LRRC49: variants seen among roughly 807,000 people sequenced by gnomAD.
LRRC49 encodes the protein leucine-rich repeat-containing protein 49.
A neutral mutation model predicts 83.3 loss-of-function variants in LRRC49; 50 were observed. That is an observed-to-expected ratio of 0.60 (90% CI 0.48 to 0.76). The LOEUF (loss-of-function observed/expected upper bound fraction) is 0.76. Ranked by LOEUF, LRRC49 falls within the 30% of genes least tolerant of loss-of-function variation. LRRC49 has a pLI of 0.00. For synonymous variants in LRRC49, 286 were observed against 283.3 expected, an observed-to-expected ratio of 1.01 and a Z score of -0.10; for missense variants, 704 against 809.1, an observed-to-expected ratio of 0.87 and a Z score of 1.58.
chr15:71,013,871 A>T (rs1381804946), intron 14 of LRRC49, among the ~76,000 whole-genome samples: 2 of 152,188 alleles, frequency 1.3e-5, no homozygotes, highest in Non-Finnish European at 2.9e-5. Context: ...GCTACAGTCA[A>T]GGACAACAGG....
intron 7 of LRRC49, among the ~76,000 whole-genome samples, chr15:70,934,405 G>A (rs1419979779): frequency 2.0e-5 from 3 of 152,130 alleles, no homozygotes; most frequent in Non-Finnish European, 2.9e-5. Flanking sequence ...GCTTTTTAAA[G>A]TTCTGGAAAG....
intron 14 of LRRC49, among the ~76,000 whole-genome samples, chr15:71,022,880 A>G (rs2039037076): frequency 6.6e-6 from 1 of 152,240 alleles, no homozygotes; most frequent in Non-Finnish European, 1.5e-5. Flanking sequence ...TGGAACATTT[A>G]TAAAAATTGA....
At chr15:70,914,204 T>C (rs1399563806) in intron 6 of LRRC49, among the ~76,000 whole-genome samples, 2 of 152,088 alleles carry the variant, frequency 1.3e-5, no homozygotes, top group African/African-American at 4.8e-5. Context: ...GATACAGTCT[T>C]AGTTACCTTA....
intron 8 of LRRC49, among the ~76,000 whole-genome samples, chr15:70,940,419 G>A (rs2035770210): frequency 6.6e-6 from 1 of 152,104 alleles, no homozygotes; most frequent in Non-Finnish European, 1.5e-5. Context: ...ACCATGCCCG[G>A]CTAATTTTTT....
chr15:70,892,992 AC>A, intron 1 of LRRC49, 50 bp downstream of exon 1: 1 of 1,599,002 alleles, frequency 6.3e-7, no homozygotes, highest in Non-Finnish European at 8.6e-7. Context: ...ACTCTTTCTG[AC>A]TGGCGTCTTT....
At chr15:70,892,973 C>A (rs201021516) in intron 1 of LRRC49, 31 bp downstream of exon 1, 1 of 1,610,618 alleles carries the variant, frequency 6.2e-7, no homozygotes, top group South Asian at 1.1e-5. Flanking sequence ...TCTCTTTCTT[C>A]CCACTGGTAC....
chr15:70,902,137 A>C (rs1471610514), intron 4 of LRRC49, among the ~76,000 whole-genome samples: 1 of 152,198 alleles, frequency 6.6e-6, no homozygotes, highest in Non-Finnish European at 1.5e-5. Flanking sequence ...ATGCTGTCTA[A>C]TATTTATAAC....
rs990075065 is a variant in LRRC49, at chr15:70,904,816, A to G, written c.500+61A>G. ...TATGTGTAGGATTAATGTGGAGATGACAACTTAGAATTGAATAATACTTAA... is the reference window on the plus strand; with the variant it reads ...TATGTGTAGGATTAATGTGGAGATGGCAACTTAGAATTGAATAATACTTAA... On this transcript the variant is annotated intron_variant, in intron 5 of 15. Transcript: ENST00000260382. 3.2e-6 allele frequency: 4 copies of G among 1,262,342 alleles called. No individual in the cohort carries two copies. In the African/African-American group the frequency reaches 4.5e-5, roughly 14 times the overall value. 78.2% of individuals were successfully genotyped at this position (1,262,342 alleles called of 1,614,324 possible).
At chr15:70,888,374 G>A (rs1050930807), upstream of LRRC49, among the ~76,000 whole-genome samples, 3 of 152,132 alleles carry the variant, frequency 2.0e-5, no homozygotes, top group Non-Finnish European at 4.4e-5. Context: ...CATATAAAGG[G>A]CACTTGATTT....
chr15:71,008,226 T>C (rs565302239), intron 11 of LRRC49, among the ~76,000 whole-genome samples, 153 bp from the exon 12 acceptor site: 285 of 152,072 alleles, frequency 1.9e-3, no homozygotes, highest in South Asian at 3.7e-3. Context: ...AACTGCTAGA[T>C]AGTCTATTGA....
chr15:70,892,600 T>C, upstream of LRRC49: 1 of 1,464,984 alleles, frequency 6.8e-7, no homozygotes, highest in Non-Finnish European at 9.0e-7. Flanking sequence ...TAGCAACCAG[T>C]GTGGCCAGCC....
chr15:70,926,987 TATC>T (rs904787413), intron 7 of LRRC49, among the ~76,000 whole-genome samples: 1 of 152,096 alleles, frequency 6.6e-6, no homozygotes, highest in Non-Finnish European at 1.5e-5. Context: ...AAAAAATGCT[TATC>T]ATCACTGGCC....
At chr15:71,028,257 GTGTA>G (rs2039238082) in intron 14 of LRRC49, among the ~76,000 whole-genome samples, 1 of 152,140 alleles carries the variant, frequency 6.6e-6, no homozygotes, top group South Asian at 2.1e-4. Flanking sequence ...TTATTGATTT[GTGTA>G]TGTTGAACCA....
At chr15:70,966,080 G>A (rs2141202138) in intron 9 of LRRC49, among the ~76,000 whole-genome samples, 1 of 152,264 alleles carries the variant, frequency 6.6e-6, no homozygotes, top group Non-Finnish European at 1.5e-5. Context: ...TGGCCTACAA[G>A]CCCAAAATAT....
At chr15:70,991,603 G>A (rs1210768667) in intron 11 of LRRC49, among the ~76,000 whole-genome samples, 1 of 152,136 alleles carries the variant, frequency 6.6e-6, no homozygotes, top group Admixed American at 6.5e-5. Context: ...ATTTTTTTCG[G>A]ATATTTTTGA....
At chr15:70,912,912 C>T (rs1318265914) in intron 6 of LRRC49, among the ~76,000 whole-genome samples, 1 of 151,990 alleles carries the variant, frequency 6.6e-6, no homozygotes, top group Non-Finnish European at 1.5e-5. Context: ...CTCCTGACCT[C>T]GTGATCCACC....
At chr15:70,870,681 G>T (rs1294013317) in intron 1 of LRRC49, among the ~76,000 whole-genome samples, 2 of 152,102 alleles carry the variant, frequency 1.3e-5, no homozygotes, top group Non-Finnish European at 2.9e-5. Flanking sequence ...GTAGAGACAG[G>T]GTTTCTCCAT....
chr15:70,974,212 A>G (rs1393128313), intron 9 of LRRC49, among the ~76,000 whole-genome samples: 2 of 152,224 alleles, frequency 1.3e-5, no homozygotes, highest in African/African-American at 4.8e-5. Flanking sequence ...AGCTCACTAA[A>G]AAACAATTCA....
chr15:71,044,933 C>A (rs2039809761), intron 15 of LRRC49, among the ~76,000 whole-genome samples: 1 of 145,396 alleles, frequency 6.9e-6, no homozygotes, highest in Non-Finnish European at 1.5e-5. Context: ...CCTCTGTCAC[C>A]CAGGCTGGAG....
Sources: gnomAD v4.1 joint callset for allele counts (sites outside exome capture counted in the v4.1 genomes callset) on GRCh38, gnomAD v4.1.1 for gene constraint, MANE v1.5 for transcripts, NCBI Gene and HGNC (gene_info 2026-07-23, HGNC 2026-07-21) for gene names.